Variants in MOSPD1 observed in about 807,000 individuals in gnomAD.
MOSPD1 encodes the protein motile sperm domain-containing protein 1.
MOSPD1 carries 5 observed loss-of-function variants against 16.7 expected under a neutral mutation model. The ratio of observed to expected loss-of-function variants is 0.30; its 90% CI spans 0.16 to 0.63. The LOEUF is 0.63. Among genes scored for constraint, MOSPD1 ranks in the 30% least tolerant of loss-of-function variants. MOSPD1 has a pLI of 0.82. For synonymous variants in MOSPD1, 67 were observed against 59.2 expected (o/e 1.13, Z -0.61); for missense variants, 104 against 153.6 (o/e 0.68, Z 1.71).
At chrX:134,900,342 T>C (rs191055463) in intron 1 of MOSPD1, among the ~76,000 whole-genome samples, 3 of 112,537 alleles carry the variant, frequency 2.7e-5, no homozygotes, top group Non-Finnish European at 5.6e-5. Context: ...CAACAATACT[T>C]TATTTAGTGC....
chrX:134,896,660 A>G, intron 4 of MOSPD1, 157 bp downstream of exon 4: 1 of 458,386 alleles, frequency 2.2e-6, no homozygotes, highest in Non-Finnish European at 3.8e-6. Flanking sequence ...TTCTTGTTCT[A>G]CTTCAGGTAC....
At chrX:134,901,920 A>C (rs1406522397) in intron 1 of MOSPD1, among the ~76,000 whole-genome samples, 3 of 112,333 alleles carry the variant, frequency 2.7e-5, no homozygotes, top group Non-Finnish European at 5.6e-5. Flanking sequence ...ACATTTTCTT[A>C]GTAAAGATAT....
At chrX:134,901,642 C>G (rs2082911975) in intron 1 of MOSPD1, among the ~76,000 whole-genome samples, 1 of 104,769 alleles carries the variant, frequency 9.5e-6, no homozygotes, top group Non-Finnish European at 1.9e-5. Flanking sequence ...GAGCAAGACT[C>G]TATCTCAAAA....
chrX:134,892,609 A>T (rs919327473), intron 4 of MOSPD1, among the ~76,000 whole-genome samples: 18 of 112,780 alleles, frequency 1.6e-4, no homozygotes, highest in African/African-American at 2.6e-4. Context: ...AAAGATTTTT[A>T]AAAAAGGCTG....
At chrX:134,913,515 TGTTA>T (rs1164866163) in intron 1 of MOSPD1, among the ~76,000 whole-genome samples, 1 of 112,026 alleles carries the variant, frequency 8.9e-6, no homozygotes, top group Admixed American at 9.5e-5. Flanking sequence ...ATTTCTTAAC[TGTTA>T]GTTTTCAGAA....
chrX:134,911,619 G>T (rs768318485), intron 1 of MOSPD1, among the ~76,000 whole-genome samples: 2 of 112,340 alleles, frequency 1.8e-5, no homozygotes, highest in African/African-American at 6.5e-5. Flanking sequence ...TTCTCACTGA[G>T]AGTTAGCAAA....
At chrX:134,897,397 A>G (rs902502708) in intron 3 of MOSPD1, among the ~76,000 whole-genome samples, 1 of 107,870 alleles carries the variant, frequency 9.3e-6, no homozygotes, top group Non-Finnish European at 1.9e-5. Context: ...CGTCTCTACA[A>G]AAAAAATTAA....
chrX:134,906,642 TTC>T (rs2082944875), intron 1 of MOSPD1, among the ~76,000 whole-genome samples: 1 of 111,633 alleles, frequency 9.0e-6, no homozygotes, highest in Non-Finnish European at 1.9e-5. Context: ...GACTAACACT[TTC>T]TCTTTGCTGC....
At chrX:134,889,414 T>C (rs1442590235) in intron 5 of MOSPD1, among the ~76,000 whole-genome samples, 1 of 112,155 alleles carries the variant, frequency 8.9e-6, no homozygotes, top group Non-Finnish European at 1.9e-5. Context: ...ATCACTAATG[T>C]CTGGCCATAG....
chrX:134,897,121 A>G, intron 3 of MOSPD1, 87 bp from the exon 4 acceptor site: 1 of 602,672 alleles, frequency 1.7e-6, no homozygotes, highest in Middle Eastern at 3.7e-4. Flanking sequence ...TATATTAAAC[A>G]ATATTAACTG....
In MOSPD1 at chrX:134,914,476, G is replaced by A. The variant is rs1011402021; in HGVS notation, c.-102+706C>T. 9.0e-4 allele frequency among the ~76,000 whole-genome samples: 100 copies of A among 111,200 alleles called. 3 individuals are homozygous for A. Among genetic ancestry groups the A allele is most frequent in the Non-Finnish European group, 9.4e-5 (5 of 52,967 alleles). On this transcript the variant is annotated intron_variant, in intron 1 of 5. Transcript: ENST00000370783. Reference sequence around the variant, plus strand: ...CACACCGGCCGCTCCATGTGAAACCGGTCATGTGAGCCTGTTTACAGCAGA... The same window carrying A: ...CACACCGGCCGCTCCATGTGAAACCAGTCATGTGAGCCTGTTTACAGCAGA...
intron 1 of MOSPD1, among the ~76,000 whole-genome samples, chrX:134,904,946 G>A (rs2082933661): frequency 1.8e-5 from 2 of 111,317 alleles, no homozygotes; most frequent in Admixed American, 1.9e-4. Context: ...TCCATTCATT[G>A]GGATACCAGA....
rs1174374169 is a variant in MOSPD1 at position 134,887,724 on chromosome X, C to A, written c.*1437G>T. ...ACATGTGCACTTGCACACACGTGCA[C>A]ACACAGGACTTGAGATGGAGAAACA... is the stretch of plus-strand genomic sequence containing the variant. On this transcript the variant is annotated 3_prime_UTR_variant, in exon 6 of 6. Coordinates refer to ENST00000370783, the MANE Select transcript of MOSPD1 (RefSeq NM_019556.3). The A allele has an allele frequency of 2.6e-5, 3 of 113,521 alleles. No individual in the cohort carries two copies. Among genetic ancestry groups the A allele is most frequent in the Non-Finnish European group, 5.6e-5 (3 of 53,420 alleles). The allele number at this position is 113,521 out of a possible 1,213,427, so 9.4% of individuals were successfully genotyped here. A position where few individuals can be genotyped will look rare whatever the true frequency, so the allele number is the denominator to read the frequency against.
At chrX:134,896,272 A>T (rs764672773) in intron 4 of MOSPD1, among the ~76,000 whole-genome samples, 1 of 111,773 alleles carries the variant, frequency 8.9e-6, no homozygotes, top group East Asian at 2.8e-4. Flanking sequence ...GAAGGAAATG[A>T]GGGCTGGAGA....
chrX:134,895,462 C>T (rs1461454456), intron 4 of MOSPD1, among the ~76,000 whole-genome samples: 1 of 111,455 alleles, frequency 9.0e-6, no homozygotes, highest in African/African-American at 3.3e-5. Context: ...CACATATACC[C>T]CTAAATCTTA....
chrX:134,896,019 C>T (rs773962495), intron 4 of MOSPD1, among the ~76,000 whole-genome samples: 1 of 110,805 alleles, frequency 9.0e-6, no homozygotes, highest in African/African-American at 3.3e-5. Flanking sequence ...TTTTTTTAAT[C>T]CTTCATAAAA....
rs769173620 is a variant in MOSPD1 at position 134,888,343 on chromosome X, T to G, written c.*818A>C. The G allele has an allele frequency of 4.5e-5, 5 of 112,000 alleles. No individual in the cohort carries two copies. Among genetic ancestry groups the G allele is most frequent in the African/African-American group, 6.5e-5 (2 of 30,784 alleles). The allele number at this position is 112,000 out of a possible 1,213,427, so 9.2% of individuals were successfully genotyped here. A position where few individuals can be genotyped will look rare whatever the true frequency, so the allele number is the denominator to read the frequency against. On this transcript the variant is annotated 3_prime_UTR_variant, in exon 6 of 6. Transcript: ENST00000370783. ...CACCTGGTATCTGGTAATCCCAGTC[T>G]GGGTAAGTCAGGCAGGGAGGGGCTT...
chrX:134,913,468 T>C (rs1462884058), intron 1 of MOSPD1, among the ~76,000 whole-genome samples: 1 of 112,172 alleles, frequency 8.9e-6, no homozygotes, highest in Non-Finnish European at 1.9e-5. Context: ...CAAATTACTT[T>C]ATTGACCTAT....
intron 1 of MOSPD1, among the ~76,000 whole-genome samples, chrX:134,902,377 C>T (rs1176261266): frequency 6.4e-5 from 6 of 93,909 alleles, no homozygotes; most frequent in Admixed American, 1.1e-4. Flanking sequence ...GCAACAAGAG[C>T]GAAATTCCGT....
Sources: gnomAD v4.1 joint callset for allele counts (sites outside exome capture counted in the v4.1 genomes callset) on GRCh38, gnomAD v4.1.1 for gene constraint, MANE v1.5 for transcripts, NCBI Gene and HGNC (gene_info 2026-07-23, HGNC 2026-07-21) for gene names.